Variants in GRID2 observed in about 807,000 individuals in gnomAD.
GRID2 encodes glutamate receptor ionotropic, delta-2.
Under a neutral mutation model 114.8 loss-of-function variants are expected in GRID2, and 33 were observed. The ratio of observed to expected loss-of-function variants is 0.29; its 90% CI spans 0.22 to 0.38. GRID2 has a LOEUF of 0.38. Among genes scored for constraint, GRID2 ranks in the 10% least tolerant of loss-of-function variants. The probability of loss-of-function intolerance (pLI) is 1.00; values close to 1 mark genes in which losing one functional copy is unlikely to be tolerated. For missense variants in GRID2, 1,184 were observed against 1,257.7 expected (o/e 0.94, Z 0.89); for synonymous variants, 505 against 449.9 (o/e 1.12, Z -1.55).
intron 14 of GRID2, among the ~76,000 whole-genome samples, chr4:93,708,080 AT>A (rs1407394645): frequency 6.6e-6 from 1 of 151,950 alleles, no homozygotes; most frequent in Non-Finnish European, 1.5e-5. Context: ...AATTATTTTA[AT>A]TTTTTAAGAC....
At chr4:92,909,906 T>C (rs113694880) in intron 2 of GRID2, among the ~76,000 whole-genome samples, 27 of 152,204 alleles carry the variant, frequency 1.8e-4, no homozygotes, top group African/African-American at 6.5e-4. Context: ...GAAAGCAAAT[T>C]TCTTCTAAAC....
At chr4:93,786,891 G>A (rs150058086) in intron 1 of GRID2, among the ~76,000 whole-genome samples, 126 of 152,276 alleles carry the variant, frequency 8.3e-4, no homozygotes, top group African/African-American at 2.9e-3. Flanking sequence ...AGAGTAAGCA[G>A]TAAAATGACT....
At chr4:92,328,084 A>G (rs966321966) in intron 1 of GRID2, among the ~76,000 whole-genome samples, 15 of 151,982 alleles carry the variant, frequency 9.9e-5, no homozygotes, top group African/African-American at 3.6e-4. Flanking sequence ...TATAAGATAG[A>G]GACAGGGAGA....
intron 8 of GRID2, among the ~76,000 whole-genome samples, chr4:93,293,282 G>C (rs547460375): frequency 1.3e-5 from 2 of 152,118 alleles, no homozygotes; most frequent in African/African-American, 2.4e-5. Context: ...TATGTGGCTG[G>C]ACAGCTATCT....
At chr4:92,548,550 C>CT (rs1409302639) in intron 1 of GRID2, among the ~76,000 whole-genome samples, 1 of 151,390 alleles carries the variant, frequency 6.6e-6, no homozygotes, top group Non-Finnish European at 1.5e-5. Flanking sequence ...TACAGGCACT[C>CT]TCCTGGCTAA....
At chr4:92,579,864 CAG>C (rs1491092939) in intron 1 of GRID2, among the ~76,000 whole-genome samples, 2 of 111,808 alleles carry the variant, frequency 1.8e-5, no homozygotes, top group African/African-American at 5.9e-5. Context: ...TACAAAATGT[CAG>C]AGACTGTGAC....
At chr4:92,942,671 T>G (rs1012724323) in intron 2 of GRID2, among the ~76,000 whole-genome samples, 11 of 152,230 alleles carry the variant, frequency 7.2e-5, no homozygotes, top group African/African-American at 2.7e-4. Context: ...GCCTTGACGG[T>G]CTTTACAATT....
chr4:93,159,898 A>G (rs188589746), intron 4 of GRID2, among the ~76,000 whole-genome samples: 1 of 151,744 alleles, frequency 6.6e-6, no homozygotes, highest in Non-Finnish European at 1.5e-5. Flanking sequence ...AATACTAGTG[A>G]ATTTCTGTAG....
intron 1 of GRID2, among the ~76,000 whole-genome samples, chr4:92,473,616 A>G (rs540448019): frequency 1.3e-5 from 2 of 152,160 alleles, no homozygotes; most frequent in South Asian, 4.1e-4. Flanking sequence ...TCAGAATTTT[A>G]TCACTCAGAG....
Position 93,626,308 on chromosome 4 carries a change from G to C in GRID2, c.2233G>C (p.Val745Leu). The change falls in exon 14 of 16, where the codon GTA becomes CTA. Residue 745 changes from valine (V) to leucine (L), a missense_variant. Transcript: ENST00000282020. ...TTATGCTTTCGTATGGGATGCAGCTGTATTGGAATATGTGGCTATCAATGA... is the reference window on the plus strand; with the variant it reads ...TTATGCTTTCGTATGGGATGCAGCTCTATTGGAATATGTGGCTATCAATGA... The part of the protein sequence containing the change: ...GNYAFVWDAA[V>L]LEYVAINDPD... 6.2e-7 allele frequency: 1 copy of C among 1,603,096 alleles called. No individual in the cohort carries two copies. Among genetic ancestry groups the C allele is most frequent in the Non-Finnish European group, 8.5e-7 (1 of 1,170,442 alleles).
intron 2 of GRID2, among the ~76,000 whole-genome samples, chr4:92,885,810 C>G (rs968431557): frequency 6.6e-6 from 1 of 152,080 alleles, no homozygotes; most frequent in Non-Finnish European, 1.5e-5. Flanking sequence ...GCTAACATGC[C>G]GTTTATATTA....
intron 4 of GRID2, among the ~76,000 whole-genome samples, chr4:93,129,905 G>A (rs1734636288): frequency 6.6e-6 from 1 of 152,066 alleles, no homozygotes; most frequent in African/African-American, 2.4e-5. Context: ...GAGATGGAGT[G>A]GATCTAACTA....
chr4:92,804,583 A>G (rs575278995), intron 2 of GRID2, among the ~76,000 whole-genome samples: 8 of 152,118 alleles, frequency 5.3e-5, no homozygotes, highest in African/African-American at 1.9e-4. Flanking sequence ...TTAATAAACT[A>G]TTTTTCTTTT....
chr4:93,647,152 A>C (rs2149715996), intron 14 of GRID2, among the ~76,000 whole-genome samples: 1 of 152,282 alleles, frequency 6.6e-6, no homozygotes, highest in South Asian at 2.1e-4. Context: ...GGGATGCTTA[A>C]ATGATCTGAG....
At chr4:92,500,972 C>A (rs1358571101) in intron 1 of GRID2, among the ~76,000 whole-genome samples, 2 of 152,092 alleles carry the variant, frequency 1.3e-5, no homozygotes, top group African/African-American at 4.8e-5. Flanking sequence ...ATCTTTACAG[C>A]TCTGGTTCTC....
chr4:93,599,387 A>G (rs1315968793), intron 13 of GRID2, among the ~76,000 whole-genome samples: 3 of 152,206 alleles, frequency 2.0e-5, no homozygotes, highest in Non-Finnish European at 4.4e-5. Context: ...CTTCAGGTAA[A>G]TAGATTACAA....
At chr4:93,300,930 T>C (rs1754809158) in intron 8 of GRID2, among the ~76,000 whole-genome samples, 1 of 152,222 alleles carries the variant, frequency 6.6e-6, no homozygotes, top group Admixed American at 6.5e-5. Flanking sequence ...ACAGTGTTCT[T>C]CTACACAATG....
At chr4:92,858,126 A>G (rs1055997212) in intron 2 of GRID2, among the ~76,000 whole-genome samples, 4 of 152,222 alleles carry the variant, frequency 2.6e-5, no homozygotes, top group African/African-American at 9.6e-5. Flanking sequence ...GTCAACCTAG[A>G]CCTCTGATGG....
intron 2 of GRID2, among the ~76,000 whole-genome samples, chr4:92,850,337 A>C (rs989391171): frequency 8.6e-5 from 13 of 151,874 alleles, no homozygotes; most frequent in African/African-American, 3.1e-4. Context: ...TTATAAAAAT[A>C]TGCATTGTTT....
Sources: allele counts gnomAD v4.1 joint callset (sites outside exome capture counted in the v4.1 genomes callset), GRCh38; gene constraint gnomAD v4.1.1; transcripts MANE v1.5; gene names NCBI Gene and HGNC (gene_info 2026-07-23, HGNC 2026-07-21).